The following SLAIN1 variants were observed in gnomAD, a reference collection of about 807,000 sequenced individuals.
The protein encoded by SLAIN1 is SLAIN family member 1.
In SLAIN1, 17 loss-of-function variants were observed where a neutral mutation model predicts 55.4. The ratio of observed to expected loss-of-function variants is 0.31; its 90% CI spans 0.21 to 0.46. SLAIN1 has a LOEUF of 0.46. Among genes scored for constraint, SLAIN1 ranks in the 20% least tolerant of loss-of-function variants. The probability of loss-of-function intolerance (pLI) is 1.00; values close to 1 mark genes in which losing one functional copy is unlikely to be tolerated. For synonymous variants in SLAIN1, 348 were observed against 337.4 expected, an observed-to-expected ratio of 1.03 and a Z score of -0.35; for missense variants, 682 against 785.1, an observed-to-expected ratio of 0.87 and a Z score of 1.57.
chr13:77,763,124 G>C (rs777709313), intron 6 of SLAIN1, 21 bp from the exon 7 acceptor site: 43 of 1,603,090 alleles, frequency 2.7e-5, no homozygotes, highest in Non-Finnish European at 2.3e-5. Context: ...CTCTCTCTCT[G>C]TTTTTCTTGT....
chr13:77,739,872 G>A (rs1460266932), intron 2 of SLAIN1, among the ~76,000 whole-genome samples: 1 of 151,992 alleles, frequency 6.6e-6, no homozygotes, highest in African/African-American at 2.4e-5. Flanking sequence ...ACACAGATGT[G>A]TTATAACTTA....
chr13:77,701,097 A>G (rs2091026479), intron 1 of SLAIN1, among the ~76,000 whole-genome samples: 1 of 152,220 alleles, frequency 6.6e-6, no homozygotes. Context: ...TAACAAAGGC[A>G]TCATTATTAG....
intron 2 of SLAIN1, among the ~76,000 whole-genome samples, chr13:77,737,181 C>CT (rs1034691504): frequency 7.2e-5 from 11 of 151,984 alleles, no homozygotes; most frequent in African/African-American, 2.4e-4. Context: ...GCTTCGGTCT[C>CT]TTTTTTTCCC....
At chr13:77,762,351 C>T (rs947411387) in intron 6 of SLAIN1, among the ~76,000 whole-genome samples, 2 of 152,006 alleles carry the variant, frequency 1.3e-5, no homozygotes, top group South Asian at 4.2e-4. Flanking sequence ...TGGTCTATTT[C>T]CCCAAACTTA....
chr13:77,743,799 ATTTGTAGCACTGCTG>A (rs1873620537), intron 2 of SLAIN1, among the ~76,000 whole-genome samples: 1 of 152,116 alleles, frequency 6.6e-6, no homozygotes, highest in South Asian at 2.1e-4. Context: ...ATTCTTACCC[ATTTGTAGCACTGCTG>A]TTTGTACTCA....
At chr13:77,699,188 C>A in intron 1 of SLAIN1, 3 of 759,794 alleles carry the variant, frequency 3.9e-6, no homozygotes, top group Non-Finnish European at 6.1e-6. Context: ...TAAATAGTGC[C>A]AATAAAGAGG....
At chr13:77,759,006 T>C (rs528317957) in intron 5 of SLAIN1, among the ~76,000 whole-genome samples, 1 of 152,276 alleles carries the variant, frequency 6.6e-6, no homozygotes, top group Non-Finnish European at 1.5e-5. Flanking sequence ...TTGCATTGAA[T>C]CTGTAGATTG....
chr13:77,705,593 G>T (rs1393563727), intron 1 of SLAIN1, among the ~76,000 whole-genome samples: 3 of 151,438 alleles, frequency 2.0e-5, no homozygotes, highest in Non-Finnish European at 4.4e-5. Context: ...TGAATAAAGT[G>T]ATTTTTAAAA....
Position 77,705,028 on chromosome 13 carries a change from C to G in SLAIN1, c.626+6489C>G, listed in dbSNP as rs1384594301. On this transcript the variant is annotated intron_variant, in intron 1 of 6. Transcript: ENST00000418532. ...TACAGAGGTTTTATATGTATATATA[C>G]ATAGAAACTGTATATACAGAGGTTT... Among the ~76,000 whole-genome samples, 2 of 147,474 alleles carry G rather than the reference C, an allele frequency of 1.4e-5. 1 individual carries two copies. Among genetic ancestry groups the G allele is most frequent in the Non-Finnish European group, 3.0e-5 (2 of 66,638 alleles).
intron 1 of SLAIN1, among the ~76,000 whole-genome samples, chr13:77,711,596 C>A (rs2091151455): frequency 6.6e-6 from 1 of 151,922 alleles, no homozygotes; most frequent in African/African-American, 2.4e-5. Flanking sequence ...ACCTATCAAC[C>A]AAAAAAAGCC....
At chr13:77,700,951 G>C (rs1319295472) in intron 1 of SLAIN1, among the ~76,000 whole-genome samples, 2 of 152,088 alleles carry the variant, frequency 1.3e-5, no homozygotes, top group African/African-American at 2.4e-5. Context: ...TTAATACTCT[G>C]CAGCTCCTTC....
chr13:77,738,251 TATATAC>T lies in SLAIN1; in HGVS notation c.767-6020_767-6015del, dbSNP rs754584180. ...ATATACATATACATATATATACACA[TATATAC>T]ATATACATATATATATATTTTTTTC... is the stretch of plus-strand genomic sequence containing the variant. On this transcript the variant is annotated intron_variant, in intron 2 of 6. Coordinates refer to ENST00000418532, the MANE Select transcript of SLAIN1 (RefSeq NM_001242868.2). Among the ~76,000 whole-genome samples the T allele has an allele frequency of 5.3e-5, 8 of 151,658 alleles. No homozygotes were observed. In the East Asian group the frequency reaches 1.2e-3, roughly 22 times the overall value.
intron 2 of SLAIN1, among the ~76,000 whole-genome samples, chr13:77,730,144 T>C (rs1340970060): frequency 6.6e-6 from 1 of 152,122 alleles, no homozygotes; most frequent in Non-Finnish European, 1.5e-5. Flanking sequence ...GGGAAATGAC[T>C]CTAAATGAAA....
At chr13:77,725,489 CAGAT>C (rs781026308) in intron 2 of SLAIN1, among the ~76,000 whole-genome samples, 3 of 152,144 alleles carry the variant, frequency 2.0e-5, no homozygotes, top group Non-Finnish European at 2.9e-5. Context: ...CTTTCATTGA[CAGAT>C]AGGTAAAAGT....
At chr13:77,708,357 A>G (rs534683208) in intron 1 of SLAIN1, among the ~76,000 whole-genome samples, 3 of 152,208 alleles carry the variant, frequency 2.0e-5, no homozygotes, top group Non-Finnish European at 4.4e-5. Flanking sequence ...GAGATCAGCA[A>G]TTCTCCCATT....
At chr13:77,702,071 T>G (rs2091036910) in intron 1 of SLAIN1, among the ~76,000 whole-genome samples, 1 of 150,014 alleles carries the variant, frequency 6.7e-6, no homozygotes, top group South Asian at 2.1e-4. Context: ...TCCAATTTCA[T>G]CCATGTCCCT....
intron 1 of SLAIN1, among the ~76,000 whole-genome samples, chr13:77,704,097 GTA>G (rs1416416676): frequency 9.2e-5 from 6 of 65,492 alleles, no homozygotes; most frequent in African/African-American, 1.8e-4. Flanking sequence ...TGTTTTATAT[GTA>G]TATATATACA....
intron 5 of SLAIN1, among the ~76,000 whole-genome samples, chr13:77,754,779 T>A (rs896301771): frequency 6.6e-5 from 10 of 152,322 alleles, no homozygotes; most frequent in African/African-American, 2.2e-4. Context: ...TATGTTTGTC[T>A]TCCTTACTAG....
chr13:77,717,454 G>A (rs570426602), intron 1 of SLAIN1, among the ~76,000 whole-genome samples: 2 of 152,172 alleles, frequency 1.3e-5, no homozygotes, highest in East Asian at 1.9e-4. Context: ...GTTTTTCTTT[G>A]TGGGTAGTTT....
Sources: allele counts gnomAD v4.1 joint callset (sites outside exome capture counted in the v4.1 genomes callset), GRCh38; gene constraint gnomAD v4.1.1; transcripts MANE v1.5; gene names NCBI Gene and HGNC (gene_info 2026-07-23, HGNC 2026-07-21).